CUX2: variants seen among roughly 807,000 people sequenced by gnomAD.
CUX2 encodes homeobox protein cut-like 2.
CUX2 carries 40 observed loss-of-function variants against 144.8 expected under a neutral mutation model. That is an observed-to-expected ratio of 0.28 (90% CI 0.21 to 0.36). The LOEUF is 0.36. CUX2 is among the 10% of genes least tolerant of loss of function. CUX2 has a pLI of 1.00. For missense variants in CUX2, 1,615 were observed against 1,994.0 expected (o/e 0.81, Z 3.62); for synonymous variants, 827 against 875.6 (o/e 0.94, Z 0.98).
intron 1 of CUX2, among the ~76,000 whole-genome samples, chr12:111,139,810 G>T (rs570947356): frequency 4.6e-5 from 7 of 152,304 alleles, no homozygotes; most frequent in African/African-American, 1.7e-4. Flanking sequence ...TGCCTACTGT[G>T]TCAAAGGTGG....
intron 1 of CUX2, among the ~76,000 whole-genome samples, chr12:111,149,959 T>C (rs892123280): frequency 1.3e-5 from 2 of 152,224 alleles, no homozygotes; most frequent in African/African-American, 4.8e-5. Context: ...AGTGGAATTG[T>C]AGCCTTTTAG....
chr12:111,231,817 T>A (rs998804183), intron 3 of CUX2, among the ~76,000 whole-genome samples: 1 of 152,198 alleles, frequency 6.6e-6, no homozygotes, highest in African/African-American at 2.4e-5. Flanking sequence ...ATTTAAAGTA[T>A]ACAGGAGGGG....
At chr12:111,193,323 A>C (rs1309219357) in intron 1 of CUX2, among the ~76,000 whole-genome samples, 1 of 152,218 alleles carries the variant, frequency 6.6e-6, no homozygotes, top group Non-Finnish European at 1.5e-5. Context: ...GACTGTTCTG[A>C]GGTGTTTTCT....
intron 1 of CUX2, among the ~76,000 whole-genome samples, chr12:111,096,287 A>G (rs1373703322): frequency 6.6e-6 from 1 of 152,136 alleles, no homozygotes; most frequent in Non-Finnish European, 1.5e-5. Context: ...CAAGTTCCCT[A>G]CCTGCCTGGG....
rs777368892 is a variant in CUX2, at chr12:111,347,813, G to A, written c.3949G>A (p.Asp1317Asn). The A allele has an allele frequency of 1.2e-6, 2 of 1,613,898 alleles. No individual in the cohort carries two copies. Among genetic ancestry groups the A allele is most frequent in the Admixed American group, 1.7e-5 (1 of 59,990 alleles). ...AEEEAGSQPQ[D>N]SGELDKGQGP... is the part of the protein sequence containing the mutation. ...GGAAGAGGCAGGCAGCCAGCCCCAG[G>A]ACTCAGGGGAGCTGGACAAAGGCCA... Residue 1317 changes from aspartate (D) to asparagine (N), a missense_variant, in exon 22 of 22, where the codon GAC (aspartate) becomes AAC (asparagine). By Grantham distance (23) the Asp-to-Asn change is conservative. This residue lies in a region of CUX2 where 298 missense variants were observed against 330.4 expected (regional missense o/e 0.90). Coordinates refer to ENST00000261726, the MANE Select transcript of CUX2 (RefSeq NM_015267.4).
intron 3 of CUX2, among the ~76,000 whole-genome samples, chr12:111,224,959 G>A (rs1438713064): frequency 6.6e-6 from 1 of 152,102 alleles, no homozygotes; most frequent in East Asian, 1.9e-4. Flanking sequence ...AGGCTGGAGT[G>A]CATTGGTGCA....
At chr12:111,347,030 T>C (rs568632754) in intron 21 of CUX2, among the ~76,000 whole-genome samples, 156 of 152,268 alleles carry the variant, frequency 1.0e-3, no homozygotes, top group Non-Finnish European at 1.6e-3. Context: ...GAGATAAAAT[T>C]AATCATAATC....
chr12:111,175,406 A>G (rs561302919), intron 1 of CUX2, among the ~76,000 whole-genome samples: 1 of 147,352 alleles, frequency 6.8e-6, no homozygotes, highest in Non-Finnish European at 1.5e-5. Context: ...ACCTTCCTCA[A>G]AGTGGTGAGA....
At chr12:111,299,701 T>C (rs1314583752) in intron 9 of CUX2, among the ~76,000 whole-genome samples, 1 of 152,204 alleles carries the variant, frequency 6.6e-6, no homozygotes, top group Non-Finnish European at 1.5e-5. Flanking sequence ...CTTTTTAGAA[T>C]GATTTTTTGA....
At chr12:111,321,546 T>C (rs1269809727) in intron 17 of CUX2, among the ~76,000 whole-genome samples, 1 of 151,616 alleles carries the variant, frequency 6.6e-6, no homozygotes, top group Non-Finnish European at 1.5e-5. Flanking sequence ...TAAAAAAAAT[T>C]AGCCAAGTGT....
chr12:111,114,920 TTTTA>T (rs964659365), intron 1 of CUX2, among the ~76,000 whole-genome samples: 24 of 152,258 alleles, frequency 1.6e-4, no homozygotes, highest in African/African-American at 5.1e-4. Context: ...GCTGGAAAGA[TTTTA>T]TTTATCACTT....
rs1420992360 is a variant in CUX2 at position 111,329,875 on chromosome 12, G to C, written c.2927-4566G>C. Among the ~76,000 whole-genome samples the C allele has an allele frequency of 2.0e-5, 3 of 152,170 alleles. No individual in the cohort carries two copies. In the East Asian group the frequency reaches 5.8e-4, roughly 29 times the overall value. ...TGGTCTCGAACCCCTGACCTCAGGT[G>C]ATCCACCCGCGTTGGCCTTCCAAAG... is the stretch of plus-strand genomic sequence containing the variant. On this transcript the variant is annotated intron_variant, in intron 18 of 21. Coordinates refer to ENST00000261726, the MANE Select transcript of CUX2 (RefSeq NM_015267.4).
chr12:111,117,524 C>A (rs1242972929), intron 1 of CUX2, among the ~76,000 whole-genome samples: 2 of 152,226 alleles, frequency 1.3e-5, no homozygotes, highest in Non-Finnish European at 2.9e-5. Flanking sequence ...CACAATCTTA[C>A]CTTGTGCATG....
At chr12:111,056,166 T>A (rs1025058938) in intron 1 of CUX2, among the ~76,000 whole-genome samples, 2 of 152,204 alleles carry the variant, frequency 1.3e-5, no homozygotes, top group Non-Finnish European at 2.9e-5. Flanking sequence ...CTTGGATGGA[T>A]CTGTCAGGGA....
chr12:111,151,630 T>C (rs551896820), intron 1 of CUX2, among the ~76,000 whole-genome samples: 1 of 152,116 alleles, frequency 6.6e-6, no homozygotes, highest in Non-Finnish European at 1.5e-5. Context: ...CTTGGCTCCA[T>C]CTTGCCGAGA....
chr12:111,101,230 G>C (rs1389634705), intron 1 of CUX2, among the ~76,000 whole-genome samples: 1 of 152,120 alleles, frequency 6.6e-6, no homozygotes, highest in African/African-American at 2.4e-5. Context: ...CCCCAGGATT[G>C]GTTCCTGGGA....
chr12:111,172,545 C>T (rs147598103), intron 1 of CUX2, among the ~76,000 whole-genome samples: 12 of 152,320 alleles, frequency 7.9e-5, no homozygotes, highest in Middle Eastern at 3.4e-3. Context: ...GGAAATGGCT[C>T]TATCTGGGGG....
chr12:111,182,753 A>G (rs140968616), intron 1 of CUX2, among the ~76,000 whole-genome samples: 84 of 152,264 alleles, frequency 5.5e-4, no homozygotes, highest in African/African-American at 2.0e-3. Flanking sequence ...CACATTGATC[A>G]CCAAGGCAAG....
Position 111,039,812 on chromosome 12 carries a change from G to GT in CUX2, c.63+5573dup, listed in dbSNP as rs879278164. Among the ~76,000 whole-genome samples the GT allele has an allele frequency of 9.2e-5, 14 of 152,320 alleles. No individual in the cohort carries two copies. The highest frequency in any genetic ancestry group is 1.6e-4 in the Non-Finnish European group (11 of 68,034). The stretch of plus-strand genomic sequence containing the variant: ...CTCTTAAAGTGCTGGGATTACAAGT[G>GT]TGATGACCTTGGGCCCCTCCCCTTC... On this transcript the variant is annotated intron_variant, in intron 1 of 21. Coordinates refer to ENST00000261726, the MANE Select transcript of CUX2 (RefSeq NM_015267.4). The surrounding 1 kb of genome is among the most constrained non-coding windows in gnomAD (Gnocchi z 4.2).
Sources: allele counts gnomAD v4.1 joint callset (sites outside exome capture counted in the v4.1 genomes callset), GRCh38; gene constraint gnomAD v4.1.1; regional missense constraint gnomAD v4.1.1; non-coding constraint Gnocchi (gnomAD v3.1); transcripts MANE v1.5; gene names NCBI Gene and HGNC (gene_info 2026-07-23, HGNC 2026-07-21).